Variants in CYTH1 observed in about 807,000 individuals in gnomAD.
CYTH1 encodes cytohesin 1.
A neutral mutation model predicts 61.8 loss-of-function variants in CYTH1; 18 were observed. The ratio of observed to expected loss-of-function variants is 0.29; its 90% CI spans 0.20 to 0.43. The LOEUF is 0.43. Among genes scored for constraint, CYTH1 ranks in the 20% least tolerant of loss-of-function variants. CYTH1 has a pLI of 1.00. For synonymous variants in CYTH1, 174 were observed against 184.3 expected (o/e 0.94, Z 0.45); for missense variants, 336 against 510.5 (o/e 0.66, Z 3.29).
chr17:78,760,574 T>C (rs1004225233), intron 1 of CYTH1, among the ~76,000 whole-genome samples: 1 of 29,008 alleles, frequency 3.4e-5, no homozygotes, highest in Non-Finnish European at 8.1e-5. Context: ...TATATACACA[T>C]ACATATATAT....
intron 1 of CYTH1, among the ~76,000 whole-genome samples, chr17:78,751,317 C>T (rs1478539195): frequency 6.6e-6 from 1 of 152,110 alleles, no homozygotes; most frequent in Admixed American, 6.6e-5. Flanking sequence ...TGGCCAACAG[C>T]ACTGTAACTC....
At chr17:78,743,147 A>C (rs1185843672) in intron 1 of CYTH1, among the ~76,000 whole-genome samples, 1 of 152,234 alleles carries the variant, frequency 6.6e-6, no homozygotes, top group Non-Finnish European at 1.5e-5. Context: ...ATACTGTTAA[A>C]TGAAAAAATC....
intron 1 of CYTH1, chr17:78,736,703 T>A (rs968390768): frequency 2.4e-6 from 1 of 416,234 alleles, no homozygotes; most frequent in Non-Finnish European, 5.1e-6. Context: ...GTCCTCCTCT[T>A]CGGTTTTAAG....
chr17:78,693,974 T>C (rs770417708), intron 10 of CYTH1, among the ~76,000 whole-genome samples: 2 of 152,166 alleles, frequency 1.3e-5, no homozygotes, highest in South Asian at 4.1e-4. Context: ...ATCTCATACC[T>C]CCGATCATGC....
intron 1 of CYTH1, among the ~76,000 whole-genome samples, chr17:78,714,918 A>G (rs918427088): frequency 6.6e-6 from 1 of 152,212 alleles, no homozygotes; most frequent in Admixed American, 6.5e-5. Context: ...AAAAGGGACA[A>G]TTACAGAAAA....
intron 3 of CYTH1, among the ~76,000 whole-genome samples, chr17:78,702,861 C>T (rs2093027304): frequency 6.6e-6 from 1 of 152,028 alleles, no homozygotes; most frequent in Admixed American, 6.6e-5. Context: ...CTCTCTCTGT[C>T]TGAAGGCTGA....
At chr17:78,696,343 G>A (rs1165638123) in intron 9 of CYTH1, among the ~76,000 whole-genome samples, 2 of 152,250 alleles carry the variant, frequency 1.3e-5, no homozygotes, top group Non-Finnish European at 2.9e-5. Flanking sequence ...CAGAATCAGA[G>A]CAAAGAAAGC....
intron 1 of CYTH1, among the ~76,000 whole-genome samples, chr17:78,765,775 C>T (rs960752973): frequency 6.6e-6 from 1 of 152,162 alleles, no homozygotes; most frequent in African/African-American, 2.4e-5. Context: ...GAACCAGAGT[C>T]CACAGCTGAG....
chr17:78,698,872 G>T lies in CYTH1; in HGVS notation c.647C>A (p.Ala216Asp). ...KDKPTVERFI[A>D]MNRGINDGGD... ...CCCATCATTGATGCCTCGGTTCATG[G>T]CAATGAACCTCTCCACAGTGGGCTT... Residue 216 changes from alanine to aspartate, a missense_variant, in exon 8 of 14, where the codon GCC (alanine) becomes GAC (aspartate). Transcript: ENST00000446868. 6.2e-7 allele frequency: 1 copy of T among 1,608,206 alleles called. No individual in the cohort carries two copies. The highest frequency in any genetic ancestry group is 8.5e-7 in the Non-Finnish European group (1 of 1,178,310).
intron 1 of CYTH1, among the ~76,000 whole-genome samples, chr17:78,746,086 A>G (rs763625295): frequency 6.6e-6 from 1 of 152,162 alleles, no homozygotes; most frequent in Non-Finnish European, 1.5e-5. Context: ...GATAGTGATA[A>G]TAGGCTTCTA....
At chr17:78,768,206 T>C in intron 1 of CYTH1, among the ~76,000 whole-genome samples, 1 of 152,156 alleles carries the variant, frequency 6.6e-6, no homozygotes, top group Non-Finnish European at 1.5e-5. Context: ...CCATTTACCA[T>C]CTAGTTACCT....
intron 1 of CYTH1, among the ~76,000 whole-genome samples, chr17:78,725,084 C>T (rs1753672685): frequency 1.3e-5 from 2 of 152,162 alleles, no homozygotes. Flanking sequence ...TAAGCCATCC[C>T]ACCTCTCCTC....
chr17:78,691,046 G>C (rs2092880047), intron 11 of CYTH1, among the ~76,000 whole-genome samples: 3 of 152,210 alleles, frequency 2.0e-5, no homozygotes, highest in African/African-American at 7.2e-5. Context: ...GTGGTACTTT[G>C]GGGGTGAAGC....
Position 78,676,032 on chromosome 17 carries a change from G to T in CYTH1, c.*59C>A. 6.4e-7 allele frequency: 1 copy of T among 1,563,832 alleles called. No homozygotes were observed. Among genetic ancestry groups the T allele is most frequent in the Non-Finnish European group, 8.7e-7 (1 of 1,152,920 alleles). On this transcript the variant is annotated 3_prime_UTR_variant, in exon 14 of 14. Coordinates refer to ENST00000446868, the MANE Select transcript of CYTH1 (RefSeq NM_004762.6). ...GCTCGGCAGCAGTGCATCCATGGAG[G>T]TGCGGGAGAAGAGCAGGAGCTCCAA...
At chr17:78,682,898 C>T (rs2092777969) in intron 11 of CYTH1, among the ~76,000 whole-genome samples, 1 of 152,208 alleles carries the variant, frequency 6.6e-6, no homozygotes, top group African/African-American at 2.4e-5. Context: ...GAAACACATC[C>T]ATCGTTTGGG....
At position 78,777,234 on chromosome 17, in the gene CYTH1, A is replaced by G. The variant is rs556687230; in HGVS notation, c.22+4968T>C. On this transcript the variant is annotated intron_variant, in intron 1 of 13. Transcript: ENST00000446868. ...GGAGATCGAGACCATCCTGGCTAAC[A>G]TGGTGAAACGCCGTCTCTACTAAAA... 2.0e-5 allele frequency among the ~76,000 whole-genome samples: 3 copies of G among 152,082 alleles called. No individual in the cohort carries two copies. The South Asian group carries it at 6.2e-4, about 32-fold the overall frequency.
At chr17:78,776,999 C>G (rs565691323) in intron 1 of CYTH1, among the ~76,000 whole-genome samples, 2 of 152,126 alleles carry the variant, frequency 1.3e-5, no homozygotes, top group Non-Finnish European at 2.9e-5. Context: ...GTGACGCATG[C>G]CTGTAATCCC....
intron 3 of CYTH1, among the ~76,000 whole-genome samples, chr17:78,707,658 G>T (rs1358730215): frequency 1.3e-5 from 2 of 151,982 alleles, no homozygotes; most frequent in Non-Finnish European, 2.9e-5. Context: ...AGGCTTTCTG[G>T]GACCTTTGAA....
rs570457147 is a variant in CYTH1, at chr17:78,760,553, A to G, written c.22+21649T>C. Among the ~76,000 whole-genome samples, 36 of 27,980 alleles carry G rather than the reference A, an allele frequency of 1.3e-3. 6 individuals are homozygous for G. Among genetic ancestry groups the G allele is most frequent in the African/African-American group, 3.1e-3 (29 of 9,298 alleles). 18.4% of individuals were successfully genotyped at this position (27,980 alleles called of 152,430 possible). On this transcript the variant is annotated intron_variant, in intron 1 of 13. Coordinates refer to ENST00000446868, the MANE Select transcript of CYTH1 (RefSeq NM_004762.6). ...TATACATACATATATATGTATATAT[A>G]TATGTATATATATATACACATACAT...
Sources: gnomAD v4.1 joint callset for allele counts (sites outside exome capture counted in the v4.1 genomes callset) on GRCh38, gnomAD v4.1.1 for gene constraint, MANE v1.5 for transcripts, NCBI Gene and HGNC (gene_info 2026-07-23, HGNC 2026-07-21) for gene names.